Variants in MAP10 observed in about 807,000 individuals in gnomAD.
MAP10 encodes microtubule associated protein 10, also known as microtubule-associated protein 10.
A neutral mutation model predicts 6.3 loss-of-function variants in MAP10; 10 were observed. The observed-to-expected ratio is 1.58, with a 90% CI of 0.98 to 2.69. The LOEUF (loss-of-function observed/expected upper bound fraction) is 2.69. MAP10 is among the 30% of genes most tolerant of loss of function. The pLI, the probability that MAP10 is intolerant of heterozygous loss-of-function variation, is 0.00. For synonymous variants in MAP10, 459 were observed against 429.3 expected (o/e 1.07, Z -0.86); for missense variants, 1,189 against 1,086.5 (o/e 1.09, Z -1.33).
chr1:232,807,474 C>T lies in MAP10; in HGVS notation c.2025C>T (p.Asp675=), dbSNP rs757306219. 1.2e-6 allele frequency: 2 copies of T among 1,613,718 alleles called. No homozygotes were observed. Among genetic ancestry groups the T allele is most frequent in the Non-Finnish European group, 1.7e-6 (2 of 1,179,728 alleles). ...GACAGGTCAAAACCACAGATAATGA[C>T]ATTCTTATGGCTGATATAAGTGACA... is the stretch of plus-strand genomic sequence containing the variant. ...DIRQVKTTDN[D]ILMADISDKR... Residue 675 remains aspartate, a synonymous_variant, in exon 1 of 1, where the codon GAC becomes GAT. Transcript: ENST00000418460.
At position 232,807,763 on chromosome 1, in the gene MAP10, G is replaced by C; in HGVS notation, c.2314G>C (p.Val772Leu). ...CCCACCTTTTTCAGCCGGGTCACCT[G>C]TACACTCATACAGAAAATTTCATAT... ...LSPPFSAGSPVHSYRKFHISK... is the reference protein window; with the variant it reads ...LSPPFSAGSPLHSYRKFHISK... Residue 772 changes from valine to leucine, a missense_variant, in exon 1 of 1, where the codon GTA (valine) becomes CTA (leucine). Physicochemically the swap from Val to Leu is conservative, Grantham distance 32 (BLOSUM62 1). Coordinates refer to ENST00000418460, the MANE Select transcript of MAP10 (RefSeq NM_019090.3). 1 of 1,613,410 alleles carries C rather than the reference G, an allele frequency of 6.2e-7. No homozygotes were observed. Among genetic ancestry groups the C allele is most frequent in the Non-Finnish European group, 8.5e-7 (1 of 1,179,730 alleles).
Position 232,805,842 on chromosome 1 carries a change from C to G in MAP10, c.393C>G (p.Leu131=). 1 of 1,590,254 alleles carries G rather than the reference C, an allele frequency of 6.3e-7. No individual in the cohort carries two copies. Among genetic ancestry groups the G allele is most frequent in the Non-Finnish European group, 8.6e-7 (1 of 1,168,226 alleles). Residue 131 remains leucine (L), a synonymous_variant, in exon 1 of 1, where the codon CTC becomes CTG. Transcript: ENST00000418460. ...GGCGCCCGACGCCCACCCCACAGCT[C>G]CTGGGGGCCTGCGACATTTCGCTGG... ...PPGRPTPTPQ[L]LGACDISLAT...
rs751250214 is a variant in MAP10 at position 232,806,817 on chromosome 1, A to G, written c.1368A>G (p.Gly456=). ...EAKKDKRSVG[G]CEKSVSLQYK... is the part of the protein sequence containing the mutation. ...AGAAGGATAAGCGTTCTGTGGGGGGATGTGAAAAGTCAGTGAGTCTTCAGT... is the reference window on the plus strand; with the variant it reads ...AGAAGGATAAGCGTTCTGTGGGGGGGTGTGAAAAGTCAGTGAGTCTTCAGT... The change falls in exon 1 of 1, where the codon GGA becomes GGG. Residue 456 remains glycine (G), a synonymous_variant. Transcript: ENST00000418460. The G allele has an allele frequency of 6.2e-7, 1 of 1,613,216 alleles. No homozygotes were observed. The highest frequency in any genetic ancestry group is 8.5e-7 in the Non-Finnish European group (1 of 1,179,700).
At chr1:232,806,516 GT>G in the MAP10 span, 1 of 1,613,904 alleles carries the variant, frequency 6.2e-7, no homozygotes, top group South Asian at 1.1e-5. Flanking sequence ...AAGCATCCAA[GT>G]TCTGCAGCAC....
chr1:232,806,867 A>G lies in MAP10; in HGVS notation c.1418A>G (p.Tyr473Cys), dbSNP rs772074265. Residue 473 changes from tyrosine (Y) to cysteine (C), a missense_variant, in exon 1 of 1, where the codon TAT becomes TGT. Tyr to Cys is a radical substitution (Grantham distance 194). Coordinates refer to ENST00000418460, the MANE Select transcript of MAP10 (RefSeq NM_019090.3). The stretch of plus-strand genomic sequence containing the variant: ...TATAAAAAGAACCAAATTGAAAACT[A>G]TAAGGAAGATAAATATTCTGAAAAG... ...LQYKKNQIEN[Y>C]KEDKYSEKSS... 20 of 1,611,430 alleles carry G rather than the reference A, an allele frequency of 1.2e-5. No individual in the cohort carries two copies. In the Admixed American group the frequency reaches 1.3e-4, roughly 11 times the overall value.
In MAP10 at chr1:232,806,252, A is replaced by G. The variant is rs772295767; in HGVS notation, c.803A>G (p.Asn268Ser). 7.4e-6 allele frequency: 12 copies of G among 1,613,814 alleles called. No homozygotes were observed. In the African/African-American group the frequency reaches 1.1e-4, roughly 14 times the overall value. Reference sequence around the variant, plus strand: ...GGTTCTGTGGAGAATGGCAAAACCAATTCTGTTGTTACATGTTCAGGTGCT... The same window carrying G: ...GGTTCTGTGGAGAATGGCAAAACCAGTTCTGTTGTTACATGTTCAGGTGCT... The part of the protein sequence containing the change: ...NVGSVENGKT[N>S]SVVTCSGAGN... Residue 268 changes from asparagine (N) to serine (S), a missense_variant, in exon 1 of 1, where the codon AAT (asparagine) becomes AGT (serine). Asn to Ser is a conservative substitution (Grantham distance 46, BLOSUM62 1). Coordinates refer to ENST00000418460, the MANE Select transcript of MAP10 (RefSeq NM_019090.3).
Position 232,809,255 on chromosome 1 carries a change from G to T in MAP10, c.*1088G>T, listed in dbSNP as rs1376925394. 6.6e-6 allele frequency among the ~76,000 whole-genome samples: 1 copy of T among 151,870 alleles called. No homozygotes were observed. The highest frequency in any genetic ancestry group is 6.6e-5 in the Admixed American group (1 of 15,256). ...TTTACATATATTTTCTTCTAGCTGTGTTATACTTTAATTTTTAGACTTTTT... is the reference window on the plus strand; with the variant it reads ...TTTACATATATTTTCTTCTAGCTGTTTTATACTTTAATTTTTAGACTTTTT... On this transcript the variant is annotated 3_prime_UTR_variant, in exon 1 of 1. Transcript: ENST00000418460.
chr1:232,808,855 A>C lies in MAP10; in HGVS notation c.*688A>C, dbSNP rs536359354. Among the ~76,000 whole-genome samples the C allele has an allele frequency of 2.0e-5, 3 of 152,302 alleles. No individual in the cohort carries two copies. The South Asian group carries it at 6.2e-4, about 32-fold the overall frequency. The stretch of plus-strand genomic sequence containing the variant: ...AATTCCTGGCATGTGGCTGCAGTGC[A>C]ATAAAAACATTTGTTGAAAAAAACG... On this transcript the variant is annotated 3_prime_UTR_variant, in exon 1 of 1. Transcript: ENST00000418460.
At position 232,806,441 on chromosome 1, in the gene MAP10, A is replaced by C. The variant is rs758558452; in HGVS notation, c.992A>C (p.Glu331Ala). ...ATTGAGCCTCAAATGAATGCACCTG[A>C]GGAAATGGATGATGCTTCTCCTGAA... ...ITIEPQMNAP[E>A]EMDDASPEKK... The change falls in exon 1 of 1, where the codon GAG (glutamate) becomes GCG (alanine). Residue 331 changes from glutamate (E) to alanine (A), a missense_variant. By Grantham distance (107) the Glu-to-Ala change is moderately radical. Coordinates refer to ENST00000418460, the MANE Select transcript of MAP10 (RefSeq NM_019090.3). 1.2e-6 allele frequency: 2 copies of C among 1,613,810 alleles called. No homozygotes were observed. The highest frequency in any genetic ancestry group is 1.7e-6 in the Non-Finnish European group (2 of 1,179,910).
At position 232,806,202 on chromosome 1, in the gene MAP10, A is replaced by G; in HGVS notation, c.753A>G (p.Lys251=). ...AGAAGGATTTGAAGGAAATGGTTAAAAGTAAGGCCGAATGTGATAATGTGG... is the reference window on the plus strand; with the variant it reads ...AGAAGGATTTGAAGGAAATGGTTAAGAGTAAGGCCGAATGTGATAATGTGG... The part of the protein sequence containing the change: ...EAQKDLKEMV[K]SKAECDNVGS... The change falls in exon 1 of 1, where the codon AAA becomes AAG. Residue 251 remains lysine, a synonymous_variant. Transcript: ENST00000418460. 1 of 1,613,940 alleles carries G rather than the reference A, an allele frequency of 6.2e-7. No homozygotes were observed. The highest frequency in any genetic ancestry group is 8.5e-7 in the Non-Finnish European group (1 of 1,179,844).
chr1:232,805,872 C>G lies in MAP10; in HGVS notation c.423C>G (p.Thr141=), dbSNP rs61736962. The G allele has an allele frequency of 1.1e-4, 169 of 1,594,268 alleles. No individual in the cohort carries two copies. The Middle Eastern group carries it at 1.5e-3, about 14-fold the overall frequency. ...GGGCCTGCGACATTTCGCTGGCCAC[C>G]GCAGCGCACAGGGTCGTGGGGCCGG... ...LLGACDISLA[T]AAHRVVGPAA... The change falls in exon 1 of 1, where the codon ACC becomes ACG. Residue 141 remains threonine, a synonymous_variant. Transcript: ENST00000418460.
Position 232,807,660 on chromosome 1 carries a change from T to C in MAP10, c.2211T>C (p.His737=), listed in dbSNP as rs1039298963. The change falls in exon 1 of 1, where the codon CAT becomes CAC. Residue 737 remains histidine (H), a synonymous_variant. Coordinates refer to ENST00000418460, the MANE Select transcript of MAP10 (RefSeq NM_019090.3). ...DSSSRTENPK[H]SQYTSKSSDT... is the part of the protein sequence containing the mutation. ...GTTCAAGGACAGAAAATCCAAAACA[T>C]AGTCAATATACAAGCAAGTCTAGTG... 2.5e-6 allele frequency: 4 copies of C among 1,611,726 alleles called. No individual in the cohort carries two copies. The highest frequency in any genetic ancestry group is 2.7e-5 in the African/African-American group (2 of 74,880).
chr1:232,805,644 C>G lies in MAP10; in HGVS notation c.195C>G (p.Pro65=), dbSNP rs2814526. 0.063 allele frequency: 100,140 copies of G among 1,585,440 alleles called. 3,480 individuals carry two copies. Among genetic ancestry groups the G allele is most frequent in the Middle Eastern group, 0.072 (433 of 5,996 alleles). ...TGGCCTTCCGCCTGCTGGACTTCCC[C>G]ACGCTGTTGGTTTACCCTCCTGACG... ...PAVAFRLLDF[P]TLLVYPPDGP... is the part of the protein sequence containing the mutation. The change falls in exon 1 of 1, where the codon CCC becomes CCG. Residue 65 remains proline, a synonymous_variant. Coordinates refer to ENST00000418460, the MANE Select transcript of MAP10 (RefSeq NM_019090.3).
Position 232,805,905 on chromosome 1 carries a change from C to T in MAP10, c.456C>T (p.Ser152=), listed in dbSNP as rs1553342204. The T allele has an allele frequency of 1.2e-6, 2 of 1,606,684 alleles. No individual in the cohort carries two copies. Among genetic ancestry groups the T allele is most frequent in the Admixed American group, 1.7e-5 (1 of 59,002 alleles). ...AAHRVVGPAA[S]GCSHRHRGRF... is the part of the protein sequence containing the mutation. ...ACAGGGTCGTGGGGCCGGCCGCCTC[C>T]GGATGCTCCCACCGTCACCGGGGAC... The change falls in exon 1 of 1, where the codon TCC becomes TCT. Residue 152 remains serine (S), a synonymous_variant. Transcript: ENST00000418460.
At position 232,807,092 on chromosome 1, in the gene MAP10, C is replaced by T. The variant is rs750268431; in HGVS notation, c.1643C>T (p.Ser548Phe). 10 of 1,612,066 alleles carry T rather than the reference C, an allele frequency of 6.2e-6. No individual in the cohort carries two copies. The highest frequency in any genetic ancestry group is 2.7e-5 in the African/African-American group (2 of 74,782). ...TCATCCAAAGTTAAACTATTAAGCT[C>T]TGCAGAACAAAGTCAGAAGCCACAA... Reference protein sequence around the residue: ...IPSSKVKLLSSAEQSQKPQLP... With the variant: ...IPSSKVKLLSFAEQSQKPQLP... Residue 548 changes from serine (S) to phenylalanine (F), a missense_variant, in exon 1 of 1, where the codon TCT becomes TTT. Ser to Phe is a radical substitution (Grantham distance 155). Coordinates refer to ENST00000418460, the MANE Select transcript of MAP10 (RefSeq NM_019090.3).
Position 232,808,113 on chromosome 1 carries a change from A to G in MAP10, c.2664A>G (p.Gln888=), listed in dbSNP as rs779995011. 1.9e-6 allele frequency: 3 copies of G among 1,588,554 alleles called. No homozygotes were observed. The Admixed American group carries it at 5.1e-5, about 27-fold the overall frequency. Residue 888 remains glutamine (Q), a synonymous_variant, in exon 1 of 1, where the codon CAA becomes CAG. Transcript: ENST00000418460. ...DDVGSLNISK[Q]CKDICELVIN... is the part of the protein sequence containing the mutation. ...TTGGTTCACTAAATATTTCCAAGCA[A>G]TGCAAAGATATTTGTGAATTAGTAA... is the stretch of plus-strand genomic sequence containing the variant.
rs770468763 is a variant in MAP10 at position 232,807,507 on chromosome 1, A to G, written c.2058A>G (p.Thr686=). ...ILMADISDKR[T]GKNSCYENIS... is the part of the protein sequence containing the mutation. ...TGGCTGATATAAGTGACAAGAGAAC[A>G]GGTAAAAATAGTTGCTATGAAAACA... is the stretch of plus-strand genomic sequence containing the variant. Residue 686 remains threonine, a synonymous_variant, in exon 1 of 1, where the codon ACA becomes ACG. Transcript: ENST00000418460. 4.3e-6 allele frequency: 7 copies of G among 1,613,870 alleles called. No homozygotes were observed. The South Asian group carries it at 7.7e-5, about 18-fold the overall frequency.
the MAP10 span, chr1:232,806,488 GCA>G: frequency 9.3e-6 from 15 of 1,613,834 alleles, no homozygotes; most frequent in Non-Finnish European, 1.3e-5. Flanking sequence ...AAATCCCCCA[GCA>G]CACAGGAGTT....
At position 232,807,977 on chromosome 1, in the gene MAP10, G is replaced by A. The variant is rs1431771356; in HGVS notation, c.2528G>A (p.Ser843Asn). 4.3e-6 allele frequency: 7 copies of A among 1,612,954 alleles called. No homozygotes were observed. Among genetic ancestry groups the A allele is most frequent in the Non-Finnish European group, 5.9e-6 (7 of 1,179,526 alleles). Reference protein sequence around the residue: ...TRSSWKSLEKSQSPQTSQVSS... With the variant: ...TRSSWKSLEKNQSPQTSQVSS... ...AGTAGTTGGAAATCTTTAGAAAAAA[G>A]CCAGTCACCACAAACATCCCAGGTG... The change falls in exon 1 of 1, where the codon AGC becomes AAC. Residue 843 changes from serine (S) to asparagine (N), a missense_variant. Physicochemically the swap from Ser to Asn is conservative, Grantham distance 46. Coordinates refer to ENST00000418460, the MANE Select transcript of MAP10 (RefSeq NM_019090.3).
Sources: gnomAD v4.1 joint callset for allele counts (sites outside exome capture counted in the v4.1 genomes callset) on GRCh38, gnomAD v4.1.1 for gene constraint, MANE v1.5 for transcripts, NCBI Gene and HGNC (gene_info 2026-07-23, HGNC 2026-07-21) for gene names.